ATP1B3: variants seen among roughly 807,000 people sequenced by gnomAD.
ATP1B3 encodes the protein sodium/potassium-transporting ATPase subunit beta-3.
In ATP1B3, 10 loss-of-function variants were observed where a neutral mutation model predicts 30.2. The ratio of observed to expected loss-of-function variants is 0.33; its 90% confidence interval spans 0.20 to 0.56. The LOEUF (loss-of-function observed/expected upper bound fraction) is 0.56. ATP1B3 is among the 20% of genes least tolerant of loss of function. The probability of loss-of-function intolerance (pLI) is 0.90; values close to 1 mark genes in which losing one functional copy is unlikely to be tolerated. For synonymous variants in ATP1B3, 113 were observed against 117.0 expected (o/e 0.97, Z 0.22); for missense variants, 238 against 336.7 (o/e 0.71, Z 2.29).
At chr3:141,884,308 C>T (rs74673663) in intron 1 of ATP1B3, among the ~76,000 whole-genome samples, 16,392 of 152,072 alleles carry the variant, frequency 0.11, 1,082 homozygotes, top group Middle Eastern at 0.16. Context: ...GCATGGGGTA[C>T]TTTTCTTTTG....
chr3:141,912,248 A>G (rs1218585747), intron 3 of ATP1B3, among the ~76,000 whole-genome samples: 2 of 151,688 alleles, frequency 1.3e-5, no homozygotes, highest in African/African-American at 2.4e-5. Flanking sequence ...TTTGAGGCAT[A>G]CTCTTTGAAA....
intron 1 of ATP1B3, among the ~76,000 whole-genome samples, chr3:141,894,552 T>C (rs1350644553): frequency 1.3e-5 from 2 of 152,206 alleles, no homozygotes; most frequent in Non-Finnish European, 2.9e-5. Flanking sequence ...TTCTATAACA[T>C]TTTTTCTATT....
At chr3:141,916,627 T>G in intron 5 of ATP1B3, 1 of 1,133,710 alleles carries the variant, frequency 8.8e-7, no homozygotes, top group Non-Finnish European at 1.2e-6. Context: ...TGCTAAATAT[T>G]AACATTTCAA....
intron 1 of ATP1B3, among the ~76,000 whole-genome samples, chr3:141,899,190 A>G (rs1934118394): frequency 6.6e-6 from 1 of 152,226 alleles, no homozygotes; most frequent in South Asian, 2.1e-4. Flanking sequence ...TAAACTTCAC[A>G]CTTTACATAT....
intron 1 of ATP1B3, among the ~76,000 whole-genome samples, chr3:141,895,041 A>G (rs560319749): frequency 5.3e-5 from 8 of 151,790 alleles, no homozygotes; most frequent in Non-Finnish European, 1.2e-4. Flanking sequence ...TAATGGGACT[A>G]TTGTTGTGTA....
chr3:141,916,447 G>A, intron 5 of ATP1B3: 2 of 687,502 alleles, frequency 2.9e-6, no homozygotes, highest in South Asian at 1.4e-5. Flanking sequence ...TAAGGTAGAA[G>A]CATTATTTAT....
At chr3:141,904,766 A>G (rs1013210146) in intron 2 of ATP1B3, among the ~76,000 whole-genome samples, 11 of 137,146 alleles carry the variant, frequency 8.0e-5, no homozygotes, top group African/African-American at 2.5e-4. Flanking sequence ...CTGGAGTGCA[A>G]TGGTGTGATC....
chr3:141,911,330 T>C (rs986183914), intron 3 of ATP1B3, among the ~76,000 whole-genome samples: 2 of 152,144 alleles, frequency 1.3e-5, no homozygotes, highest in Admixed American at 6.5e-5. Context: ...TCAATCCTTA[T>C]GCCCTCCTTT....
At chr3:141,896,022 G>A (rs1934058543) in intron 1 of ATP1B3, among the ~76,000 whole-genome samples, 1 of 152,060 alleles carries the variant, frequency 6.6e-6, no homozygotes, top group African/African-American at 2.4e-5. Context: ...TTACATCTTG[G>A]TGAAGTTTCG....
At chr3:141,888,746 A>G (rs968251000) in intron 1 of ATP1B3, among the ~76,000 whole-genome samples, 5 of 151,704 alleles carry the variant, frequency 3.3e-5, no homozygotes, top group Admixed American at 2.6e-4. Flanking sequence ...TTCTTGAGAT[A>G]GTGAGTAAGT....
intron 1 of ATP1B3, among the ~76,000 whole-genome samples, chr3:141,893,919 A>G (rs1934008887): frequency 6.6e-6 from 1 of 152,192 alleles, no homozygotes; most frequent in Non-Finnish European, 1.5e-5. Context: ...CAGACATTAT[A>G]AAGTGGACTT....
chr3:141,899,338 A>C (rs541020052), intron 1 of ATP1B3, among the ~76,000 whole-genome samples: 1 of 152,312 alleles, frequency 6.6e-6, no homozygotes, highest in South Asian at 2.1e-4. Flanking sequence ...AAAATGTTTT[A>C]AACTATAAAC....
intron 1 of ATP1B3, among the ~76,000 whole-genome samples, chr3:141,889,545 A>G (rs1247485741): frequency 1.3e-5 from 2 of 151,832 alleles, no homozygotes; most frequent in African/African-American, 2.4e-5. Context: ...CCTGGCCAAC[A>G]TGGTGAAACC....
chr3:141,877,070 T>G, intron 1 of ATP1B3, among the ~76,000 whole-genome samples, 160 bp downstream of exon 1: 1 of 150,728 alleles, frequency 6.6e-6, no homozygotes. Flanking sequence ...GCCCCATTCA[T>G]TGCTCCCCGG....
intron 2 of ATP1B3, among the ~76,000 whole-genome samples, chr3:141,904,029 C>T (rs1430589026): frequency 6.6e-6 from 1 of 152,160 alleles, no homozygotes; most frequent in Non-Finnish European, 1.5e-5. Context: ...GGTGATCTGC[C>T]CCGCCTTGGC....
rs147988761 is a variant in ATP1B3, at chr3:141,925,623, A to G, written c.762A>G (p.Gly254=). 3.2e-5 allele frequency: 51 copies of G among 1,613,606 alleles called. No homozygotes were observed. The African/African-American group carries it at 4.8e-4, about 15-fold the overall frequency. The change falls in exon 7 of 7, where the codon GGA becomes GGG. Residue 254 remains glycine (G), a synonymous_variant. Transcript: ENST00000286371. ...KEVTVECKID[G]SANLKSQDDR... ...TAACAGTTGAGTGCAAGATTGATGGATCAGCCAACCTAAAAAGTCAGGATG... is the reference window on the plus strand; with the variant it reads ...TAACAGTTGAGTGCAAGATTGATGGGTCAGCCAACCTAAAAAGTCAGGATG...
chr3:141,903,068 G>C (rs1480790528), intron 1 of ATP1B3: 2 of 154,008 alleles, frequency 1.3e-5, no homozygotes, highest in Non-Finnish European at 2.9e-5. Context: ...TCCTGGGCTA[G>C]TCCCAACTCC....
chr3:141,920,037 T>C (rs993262909), intron 5 of ATP1B3, among the ~76,000 whole-genome samples: 6 of 152,154 alleles, frequency 3.9e-5, no homozygotes, highest in African/African-American at 1.4e-4. Context: ...TTTTAATATT[T>C]TACAATTTCT....
intron 1 of ATP1B3, among the ~76,000 whole-genome samples, chr3:141,881,024 C>T (rs751671580): frequency 1.3e-5 from 2 of 152,002 alleles, no homozygotes; most frequent in Non-Finnish European, 2.9e-5. Flanking sequence ...GCCAACATGG[C>T]GAAATCCGTC....
Sources: allele counts gnomAD v4.1 joint callset (sites outside exome capture counted in the v4.1 genomes callset), GRCh38; gene constraint gnomAD v4.1.1; transcripts MANE v1.5; gene names NCBI Gene and HGNC (gene_info 2026-07-23, HGNC 2026-07-21).